Variants in PTPRD observed in about 807,000 individuals in gnomAD.
PTPRD encodes receptor-type tyrosine-protein phosphatase delta.
In PTPRD, 34 loss-of-function variants were observed where a neutral mutation model predicts 214.5. That is an observed-to-expected ratio of 0.16 (90% confidence interval 0.12 to 0.21). The LOEUF is 0.21. Ranked by LOEUF, PTPRD falls within the 10% of genes least tolerant of loss-of-function variation. The pLI, the probability that PTPRD is intolerant of heterozygous loss-of-function variation, is 1.00. For synonymous variants in PTPRD, 1,128 were observed against 845.7 expected, an observed-to-expected ratio of 1.33 and a Z score of -5.79; for missense variants, 2,545 against 2,398.7, an observed-to-expected ratio of 1.06 and a Z score of -1.27.
At chr9:9,089,016 C>A (rs778920999) in intron 10 of PTPRD, among the ~76,000 whole-genome samples, 6 of 152,136 alleles carry the variant, frequency 3.9e-5, no homozygotes, top group Non-Finnish European at 4.4e-5. Context: ...GGGTTTTTCA[C>A]TCAACATTAC....
Position 10,287,254 on chromosome 9 carries a change from G to A in PTPRD, c.-545+53709C>T, listed in dbSNP as rs970648857. Among the ~76,000 whole-genome samples the A allele has an allele frequency of 2.0e-5, 3 of 152,142 alleles. No homozygotes were observed. The South Asian group carries it at 6.2e-4, about 32-fold the overall frequency. On this transcript the variant is annotated intron_variant, in intron 3 of 45. Coordinates refer to ENST00000381196, the MANE Select transcript of PTPRD (RefSeq NM_002839.4). ...GTTTGTGCTAACTGTGATACTTTTA[G>A]ATAAAGATTTCTCAAGATCTAGGCA...
At chr9:10,231,610 C>G (rs1314312200) in intron 3 of PTPRD, among the ~76,000 whole-genome samples, 1 of 151,916 alleles carries the variant, frequency 6.6e-6, no homozygotes, top group African/African-American at 2.4e-5. Flanking sequence ...GTTACTTCCT[C>G]TCTGTACCCT....
chr9:9,325,092 T>C (rs1291175754), intron 9 of PTPRD, among the ~76,000 whole-genome samples: 1 of 152,332 alleles, frequency 6.6e-6, no homozygotes, highest in South Asian at 2.1e-4. Flanking sequence ...TTGGTTACTG[T>C]AGCCTTGTAG....
chr9:8,547,024 T>C (rs537344652), intron 14 of PTPRD, among the ~76,000 whole-genome samples: 5 of 152,344 alleles, frequency 3.3e-5, no homozygotes, highest in South Asian at 4.1e-4. Context: ...CCTGCTCCAC[T>C]GTCATACCAT....
intron 9 of PTPRD, among the ~76,000 whole-genome samples, chr9:9,345,530 A>T (rs948013636): frequency 6.6e-6 from 1 of 152,086 alleles, no homozygotes; most frequent in African/African-American, 2.4e-5. Flanking sequence ...TATTTTCATG[A>T]TGTAGTATAT....
intron 8 of PTPRD, among the ~76,000 whole-genome samples, chr9:9,480,552 T>C (rs990954190): frequency 1.3e-5 from 2 of 152,144 alleles, no homozygotes; most frequent in African/African-American, 4.8e-5. Context: ...AAAAAAATGT[T>C]AGATTTCAAA....
rs2098397376 is a variant in PTPRD at position 8,713,757 on chromosome 9, G to T, written c.64+20023C>A. 2.0e-6 allele frequency: 3 copies of T among 1,529,970 alleles called. No individual in the cohort carries two copies. In the African/African-American group the frequency reaches 4.1e-5, roughly 21 times the overall value. The allele number at this position is 1,529,970 out of a possible 1,614,324, so 94.8% of individuals were successfully genotyped here. ...CTGTCAAGCAGTTCCACGACTGCAAGATCAAGTTCCCGCTGCCCCACCGGG... is the reference window on the plus strand; with the variant it reads ...CTGTCAAGCAGTTCCACGACTGCAATATCAAGTTCCCGCTGCCCCACCGGG... On this transcript the variant is annotated intron_variant, in intron 12 of 45. Coordinates refer to ENST00000381196, the MANE Select transcript of PTPRD (RefSeq NM_002839.4).
At chr9:9,028,691 T>C (rs981024174) in intron 10 of PTPRD, among the ~76,000 whole-genome samples, 6 of 151,960 alleles carry the variant, frequency 3.9e-5, no homozygotes, top group African/African-American at 1.4e-4. Flanking sequence ...CTTCAAGATA[T>C]TGGCAGTCTG....
At chr9:9,854,877 G>T (rs368023527) in intron 5 of PTPRD, among the ~76,000 whole-genome samples, 1 of 152,112 alleles carries the variant, frequency 6.6e-6, no homozygotes, top group Non-Finnish European at 1.5e-5. Context: ...GACACCAGTA[G>T]CACTAACTTT....
At chr9:9,385,559 A>G (rs1335192317) in intron 9 of PTPRD, among the ~76,000 whole-genome samples, 5 of 152,130 alleles carry the variant, frequency 3.3e-5, no homozygotes, top group Non-Finnish European at 7.4e-5. Flanking sequence ...TCAGTGAGCA[A>G]GTATTTCATC....
chr9:9,458,285 C>T (rs1468220454), intron 8 of PTPRD, among the ~76,000 whole-genome samples: 5 of 151,808 alleles, frequency 3.3e-5, no homozygotes, highest in African/African-American at 9.7e-5. Context: ...TTCATATGTT[C>T]ATTATTATAA....
intron 10 of PTPRD, among the ~76,000 whole-genome samples, chr9:9,159,175 C>G (rs1197843499): frequency 2.6e-5 from 4 of 152,046 alleles, no homozygotes; most frequent in African/African-American, 9.7e-5. Flanking sequence ...TTGACAACTT[C>G]CTTTCAACAC....
intron 14 of PTPRD, among the ~76,000 whole-genome samples, chr9:8,559,518 A>T (rs564207383): frequency 6.6e-6 from 1 of 152,348 alleles, no homozygotes; most frequent in East Asian, 1.9e-4. Flanking sequence ...AGAAGTTATC[A>T]TCCTTAAATA....
intron 9 of PTPRD, among the ~76,000 whole-genome samples, chr9:9,324,733 T>A (rs1326454600): frequency 6.6e-6 from 1 of 152,110 alleles, no homozygotes; most frequent in Non-Finnish European, 1.5e-5. Context: ...TTGTTGCCAT[T>A]GCTTTTGGTG....
At chr9:8,849,232 T>C (rs944697942) in intron 11 of PTPRD, among the ~76,000 whole-genome samples, 2 of 145,276 alleles carry the variant, frequency 1.4e-5, no homozygotes, top group African/African-American at 2.5e-5. Context: ...CTGGAGTGCA[T>C]TGGTGTAATC....
At chr9:9,445,966 C>A (rs1476230182) in intron 8 of PTPRD, among the ~76,000 whole-genome samples, 1 of 152,086 alleles carries the variant, frequency 6.6e-6, no homozygotes, top group African/African-American at 2.4e-5. Context: ...AAGTGAGAAA[C>A]AATTTAGGCA....
Position 9,896,720 on chromosome 9 carries a change from T to C in PTPRD, c.-368+41787A>G, listed in dbSNP as rs140841916. ...ATACTTTAAAGAACATATCAGAAAA[T>C]ACAGTTGCTTTGGGCATCAATTGAA... is the stretch of plus-strand genomic sequence containing the variant. On this transcript the variant is annotated intron_variant, in intron 5 of 45. Coordinates refer to ENST00000381196, the MANE Select transcript of PTPRD (RefSeq NM_002839.4). 9.9e-5 allele frequency among the ~76,000 whole-genome samples: 15 copies of C among 152,140 alleles called. No homozygotes were observed. In the East Asian group the frequency reaches 2.1e-3, roughly 22 times the overall value.
intron 30 of PTPRD, among the ~76,000 whole-genome samples, chr9:8,481,846 A>G (rs1478399156): frequency 2.6e-5 from 4 of 152,134 alleles, no homozygotes; most frequent in Non-Finnish European, 4.4e-5. Flanking sequence ...GCAGTGGCAC[A>G]ATCTTGACTC....
At chr9:9,246,799 T>C (rs982853315) in intron 9 of PTPRD, among the ~76,000 whole-genome samples, 6 of 152,130 alleles carry the variant, frequency 3.9e-5, no homozygotes, top group African/African-American at 9.6e-5. Context: ...ACCCAATTTC[T>C]GGACTGTGAA....
Sources: allele counts gnomAD v4.1 joint callset (sites outside exome capture counted in the v4.1 genomes callset), GRCh38; gene constraint gnomAD v4.1.1; transcripts MANE v1.5; gene names NCBI Gene and HGNC (gene_info 2026-07-23, HGNC 2026-07-21).